Variants in PRSS21 observed in about 807,000 individuals in gnomAD.
PRSS21 encodes the protein testisin.
Under a neutral mutation model 31.1 loss-of-function variants are expected in PRSS21, and 40 were observed. The observed-to-expected ratio is 1.29, with a 90% CI of 1.00 to 1.68. The LOEUF is 1.68. PRSS21 is among the 40% of genes most tolerant of loss of function. PRSS21 has a pLI of 0.00. For missense variants in PRSS21, 467 were observed against 412.6 expected, an observed-to-expected ratio of 1.13 and a Z score of -1.14; for synonymous variants, 186 against 167.7, an observed-to-expected ratio of 1.11 and a Z score of -0.84.
At chr16:2,818,066 G>A (rs1012169709) in intron 3 of PRSS21, 100 bp downstream of exon 3, 40 of 1,398,114 alleles carry the variant, frequency 2.9e-5, no homozygotes, top group Middle Eastern at 2.5e-4. Context: ...AGACTTGGGC[G>A]TGAAAGTTGT....
chr16:2,819,710 G>A (rs763478576), intron 4 of PRSS21, among the ~76,000 whole-genome samples: 4 of 152,238 alleles, frequency 2.6e-5, no homozygotes, highest in Non-Finnish European at 4.4e-5. Context: ...TGAGCCAGGC[G>A]CGGCCTCTCC....
intron 4 of PRSS21, 109 bp from the exon 5 acceptor site, chr16:2,820,846 T>C: frequency 8.6e-7 from 1 of 1,166,704 alleles, no homozygotes; most frequent in Non-Finnish European, 1.2e-6. Flanking sequence ...GAGATGAACC[T>C]GCCAGGCACA....
chr16:2,817,774 G>A lies in PRSS21; in HGVS notation c.92-27G>A. 1.3e-6 allele frequency: 2 copies of A among 1,542,700 alleles called. No homozygotes were observed. Among genetic ancestry groups the A allele is most frequent in the Non-Finnish European group, 1.8e-6 (2 of 1,142,584 alleles). ...CGGGCTTGGGGGGCTGCCTCCCGCG[G>A]CTCAGCAGTTCCTCTGACCATCCGA... On this transcript the variant is annotated intron_variant, in intron 2 of 5. Coordinates refer to ENST00000005995, the MANE Select transcript of PRSS21 (RefSeq NM_006799.4). The surrounding 1 kb of genome is among the most constrained non-coding windows in gnomAD (Gnocchi z 4.2).
In PRSS21 at chr16:2,821,459, C is replaced by T. The variant is rs146520280; in HGVS notation, c.799C>T (p.Arg267Trp). 7.6e-4 allele frequency: 1,224 copies of T among 1,614,216 alleles called. 8 individuals carry two copies. In the African/African-American group the frequency reaches 0.014, roughly 18 times the overall value. ...SWGVGCGRPN[R>W]PGVYTNISHH... ...GGGAGTGGGCTGTGGTCGGCCCAAT[C>T]GGCCCGGTGTCTACACCAATATCAG... is the stretch of plus-strand genomic sequence containing the variant. Residue 267 changes from arginine (R) to tryptophan (W), a missense_variant, in exon 6 of 6, where the codon CGG becomes TGG. Physicochemically the swap from Arg to Trp is moderately radical, Grantham distance 101. Coordinates refer to ENST00000005995, the MANE Select transcript of PRSS21 (RefSeq NM_006799.4).
chr16:2,819,578 C>A (rs759221005), intron 4 of PRSS21, among the ~76,000 whole-genome samples: 1 of 152,220 alleles, frequency 6.6e-6, no homozygotes, highest in Admixed American at 6.5e-5. Flanking sequence ...GGAATCCCTT[C>A]CCTCTGCTCC....
Position 2,820,887 on chromosome 16 carries a change from C to T in PRSS21, c.551-68C>T, listed in dbSNP as rs573058171. On this transcript the variant is annotated intron_variant, in intron 4 of 5. Coordinates refer to ENST00000005995, the MANE Select transcript of PRSS21 (RefSeq NM_006799.4). Reference sequence around the variant, plus strand: ...TGCCCCAGGGCCCCCACCCCCGCAGCCTATGCCATCCCTCCATAGAGGGGC... The same window carrying T: ...TGCCCCAGGGCCCCCACCCCCGCAGTCTATGCCATCCCTCCATAGAGGGGC... The T allele has an allele frequency of 8.6e-5, 133 of 1,538,608 alleles. 3 individuals carry two copies. The South Asian group carries it at 1.5e-3, about 18-fold the overall frequency.
rs2069100320 is a variant in PRSS21 at position 2,817,716 on chromosome 16, C to T, written c.92-85C>T. On this transcript the variant is annotated intron_variant, in intron 2 of 5. Transcript: ENST00000005995. This position sits in a 1 kb window ranked among gnomAD's most constrained non-coding sequence, Gnocchi z 4.2. Reference sequence around the variant, plus strand: ...CCTGGGTGGGCAAAAACGTGCTTTCCCGGACGGGGTTGAAGGGGAGAAAGG... The same window carrying T: ...CCTGGGTGGGCAAAAACGTGCTTTCTCGGACGGGGTTGAAGGGGAGAAAGG... The T allele has an allele frequency of 6.7e-7, 1 of 1,491,508 alleles. No individual in the cohort carries two copies. The highest frequency in any genetic ancestry group is 9.0e-7 in the Non-Finnish European group (1 of 1,114,954). 92.4% of individuals were successfully genotyped at this position (1,491,508 alleles called of 1,614,324 possible).
intron 3 of PRSS21, 87 bp from the exon 4 acceptor site, chr16:2,818,590 G>C: frequency 1.5e-6 from 2 of 1,367,770 alleles, no homozygotes; most frequent in Non-Finnish European, 2.0e-6. Context: ...CAACACCACA[G>C]TTTCCCCTCC....
At position 2,818,922 on chromosome 16, in the gene PRSS21, G is replaced by T. The variant is rs746693205; in HGVS notation, c.503G>T (p.Arg168Leu). 3.7e-6 allele frequency: 6 copies of T among 1,614,190 alleles called. No homozygotes were observed. Among genetic ancestry groups the T allele is most frequent in the Non-Finnish European group, 5.1e-6 (6 of 1,180,042 alleles). Reference sequence around the variant, plus strand: ...GCCTCCACATTTGAGTTTGAGAACCGGACAGACTGCTGGGTGACTGGCTGG... The same window carrying T: ...GCCTCCACATTTGAGTTTGAGAACCTGACAGACTGCTGGGTGACTGGCTGG... The part of the protein sequence containing the change: ...LQASTFEFEN[R>L]TDCWVTGWGY... The change falls in exon 4 of 6, where the codon CGG becomes CTG. Residue 168 changes from arginine (R) to leucine (L), a missense_variant. Coordinates refer to ENST00000005995, the MANE Select transcript of PRSS21 (RefSeq NM_006799.4).
chr16:2,817,969 G>C lies in PRSS21; in HGVS notation c.257+3G>C. On this transcript the variant is annotated splice_donor_region_variant and intron_variant, in intron 3 of 5. Coordinates refer to ENST00000005995, the MANE Select transcript of PRSS21 (RefSeq NM_006799.4). This position sits in a 1 kb window ranked among gnomAD's most constrained non-coding sequence, Gnocchi z 4.2. ...ACGGCGGCGCACTGCTTTGAAACGTGAGTGGGGGTGCGAACGGAGGGGTGC... is the reference window on the plus strand; with the variant it reads ...ACGGCGGCGCACTGCTTTGAAACGTCAGTGGGGGTGCGAACGGAGGGGTGC... 6.5e-7 allele frequency: 1 copy of C among 1,547,072 alleles called. No homozygotes were observed. Among genetic ancestry groups the C allele is most frequent in the Non-Finnish European group, 8.7e-7 (1 of 1,145,796 alleles).
intron 4 of PRSS21, among the ~76,000 whole-genome samples, chr16:2,820,085 G>C (rs375513649): frequency 6.6e-6 from 1 of 152,220 alleles, no homozygotes; most frequent in Admixed American, 6.5e-5. Context: ...CACAGTGCCG[G>C]GGAGGCAGGG....
chr16:2,818,510 A>C (rs1285923409), intron 3 of PRSS21, among the ~76,000 whole-genome samples, 167 bp from the exon 4 acceptor site: 1 of 152,136 alleles, frequency 6.6e-6, no homozygotes, highest in East Asian at 1.9e-4. Context: ...AGCAGGTCCT[A>C]GGACTTTGGT....
intron 4 of PRSS21, among the ~76,000 whole-genome samples, chr16:2,820,407 A>G (rs79506303): frequency 0.043 from 6,498 of 152,212 alleles, 356 homozygotes; most frequent in African/African-American, 0.12. Context: ...CAGGCTCTGA[A>G]ACTTCCCCAG....
chr16:2,817,615 G>A lies in PRSS21; in HGVS notation c.91+159G>A. ...AAAGTAACTAACGGACGCTGGAGGG[G>A]GATGGGCGGGCCCTGCAGAGCACGT... On this transcript the variant is annotated intron_variant, in intron 2 of 5. Coordinates refer to ENST00000005995, the MANE Select transcript of PRSS21 (RefSeq NM_006799.4). The surrounding 1 kb of genome is among the most constrained non-coding windows in gnomAD (Gnocchi z 4.2). The A allele has an allele frequency of 7.7e-7, 1 of 1,291,102 alleles. No homozygotes were observed. Among genetic ancestry groups the A allele is most frequent in the Non-Finnish European group, 1.0e-6 (1 of 955,186 alleles). The allele number at this position is 1,291,102 out of a possible 1,614,324, so 80.0% of individuals were successfully genotyped here. A position where few individuals can be genotyped will look rare whatever the true frequency, so the allele number is the denominator to read the frequency against.
Position 2,821,349 on chromosome 16 carries a change from GC to G in PRSS21, c.706-13del, listed in dbSNP as rs1567276244. On this transcript the variant is annotated splice_polypyrimidine_tract_variant and intron_variant, in intron 5 of 5. Transcript: ENST00000005995. Reference sequence around the variant, plus strand: ...CTCACTCTGCCCCAGGCTGACCTCAGCCCCGCTGCTCCCCAGGGTGACTCAG... The same window carrying G: ...CTCACTCTGCCCCAGGCTGACCTCAGCCCGCTGCTCCCCAGGGTGACTCAG... 5 of 1,613,462 alleles carry G rather than the reference GC, an allele frequency of 3.1e-6. No homozygotes were observed. Among genetic ancestry groups the G allele is most frequent in the Non-Finnish European group, 4.2e-6 (5 of 1,179,550 alleles).
In PRSS21 at chr16:2,821,096, A is replaced by C; in HGVS notation, c.692A>C (p.Lys231Thr). ...MVCAGNAQGGKDACFGDSGGP... is the reference protein window; with the variant it reads ...MVCAGNAQGGTDACFGDSGGP... ...TGTGCTGGCAATGCCCAAGGCGGGA[A>C]GGATGCCTGCTTCGTGAGTGTCCTT... Residue 231 changes from lysine to threonine, a missense_variant, in exon 5 of 6, where the codon AAG becomes ACG. By Grantham distance (78) the Lys-to-Thr change is moderately conservative (BLOSUM62 -1). Coordinates refer to ENST00000005995, the MANE Select transcript of PRSS21 (RefSeq NM_006799.4). The C allele has an allele frequency of 6.2e-7, 1 of 1,614,088 alleles. No individual in the cohort carries two copies. Among genetic ancestry groups the C allele is most frequent in the Non-Finnish European group, 8.5e-7 (1 of 1,180,016 alleles).
At chr16:2,819,837 C>G (rs1350248563) in intron 4 of PRSS21, among the ~76,000 whole-genome samples, 4 of 152,202 alleles carry the variant, frequency 2.6e-5, no homozygotes, top group Non-Finnish European at 5.9e-5. Flanking sequence ...GAAGTCAGGG[C>G]CCCTTGCCTT....
chr16:2,818,236 T>C (rs975060564), intron 3 of PRSS21, among the ~76,000 whole-genome samples: 21 of 152,306 alleles, frequency 1.4e-4, no homozygotes, highest in African/African-American at 4.8e-4. Context: ...TCTCTCCCTT[T>C]TTCTTTCAAC....
Position 2,821,698 on chromosome 16 carries a change from C to A in PRSS21, c.*93C>A. 2.1e-6 allele frequency: 3 copies of A among 1,461,996 alleles called. No individual in the cohort carries two copies. The highest frequency in any genetic ancestry group is 9.2e-7 in the Non-Finnish European group (1 of 1,081,594). The allele number at this position is 1,461,996 out of a possible 1,614,324, so 90.6% of individuals were successfully genotyped here. A position where few individuals can be genotyped will look rare whatever the true frequency, so the allele number is the denominator to read the frequency against. On this transcript the variant is annotated 3_prime_UTR_variant, in exon 6 of 6. Coordinates refer to ENST00000005995, the MANE Select transcript of PRSS21 (RefSeq NM_006799.4). ...GGTAATAAACACATTCCAGTTGATG[C>A]CTTGCAGGGCATTCTTCAAAAGCAG...
Sources: gnomAD v4.1 joint callset for allele counts (sites outside exome capture counted in the v4.1 genomes callset) on GRCh38, gnomAD v4.1.1 for gene constraint, Gnocchi (gnomAD v3.1) non-coding constraint, MANE v1.5 for transcripts, NCBI Gene and HGNC (gene_info 2026-07-23, HGNC 2026-07-21) for gene names.